Variants in INTU observed in about 807,000 individuals in gnomAD.
INTU encodes protein inturned.
In INTU, 68 loss-of-function variants were observed where a neutral mutation model predicts 100.5. That is an observed-to-expected ratio of 0.68 (90% CI 0.56 to 0.83). The LOEUF (loss-of-function observed/expected upper bound fraction) is 0.83. INTU is among the 40% of genes least tolerant of loss of function. INTU has a pLI of 0.00. For synonymous variants in INTU, 357 were observed against 395.7 expected, an observed-to-expected ratio of 0.90 and a Z score of 1.16; for missense variants, 1,071 against 1,114.7, an observed-to-expected ratio of 0.96 and a Z score of 0.56.
intron 2 of INTU, among the ~76,000 whole-genome samples, chr4:127,648,062 TG>T (rs1727669747): frequency 6.6e-6 from 1 of 152,214 alleles, no homozygotes; most frequent in Non-Finnish European, 1.5e-5. Flanking sequence ...ATATTTTATT[TG>T]GTTCTTAAAT....
intron 6 of INTU, among the ~76,000 whole-genome samples, chr4:127,675,087 GT>G (rs1189619032): frequency 6.6e-6 from 1 of 152,168 alleles, no homozygotes; most frequent in African/African-American, 2.4e-5. Context: ...TTATAATAGT[GT>G]TATGTTCCTG....
chr4:127,663,162 A>G (rs1320344369), intron 3 of INTU, among the ~76,000 whole-genome samples: 2 of 152,148 alleles, frequency 1.3e-5, no homozygotes, highest in South Asian at 2.1e-4. Context: ...TTCTTATTCA[A>G]TAAATATTTG....
intron 5 of INTU, among the ~76,000 whole-genome samples, chr4:127,672,080 C>T (rs1257724899): frequency 6.6e-6 from 1 of 151,984 alleles, no homozygotes; most frequent in Non-Finnish European, 1.5e-5. Flanking sequence ...ACACTAAAAG[C>T]CCAGACTTCA....
chr4:127,690,059 A>G (rs1296105836), intron 8 of INTU, among the ~76,000 whole-genome samples: 4 of 152,186 alleles, frequency 2.6e-5, no homozygotes, highest in East Asian at 1.9e-4. Flanking sequence ...CTGTGATAGT[A>G]GAGGTACTTA....
chr4:127,694,136 A>T (rs1249422142), intron 8 of INTU, among the ~76,000 whole-genome samples: 1 of 152,040 alleles, frequency 6.6e-6, no homozygotes, highest in Non-Finnish European at 1.5e-5. Context: ...AATAGTGTCA[A>T]TAGGTTTGGT....
chr4:127,650,493 G>A (rs1292302695), intron 2 of INTU, among the ~76,000 whole-genome samples: 2 of 151,428 alleles, frequency 1.3e-5, no homozygotes, highest in Non-Finnish European at 2.9e-5. Context: ...TTGTTCTTGC[G>A]ATAGTTTACT....
chr4:127,644,048 T>TA lies in INTU; in HGVS notation c.675dup (p.Leu226ThrfsTer4). 1 of 1,611,416 alleles carries TA rather than the reference T, an allele frequency of 6.2e-7. No individual in the cohort carries two copies. The highest frequency in any genetic ancestry group is 1.1e-5 in the South Asian group (1 of 90,896). ...GGATCTGCTATGAAGAGCGGTCAGG[T>TA]ACTCATTGGTAAGTGTTGCTGGTAC... On this transcript the variant is annotated frameshift_variant, in exon 2 of 16. Transcript: ENST00000335251. LOFTEE classifies it high-confidence loss of function.
intron 3 of INTU, among the ~76,000 whole-genome samples, chr4:127,657,955 G>A (rs1209583008): frequency 6.6e-6 from 1 of 152,076 alleles, no homozygotes; most frequent in East Asian, 1.9e-4. Context: ...ATGAAACCAG[G>A]CCCTGGTGCC....
chr4:127,685,515 G>T (rs1435094913), intron 7 of INTU: 2 of 454,286 alleles, frequency 4.4e-6, no homozygotes, highest in Non-Finnish European at 8.8e-6. Context: ...TAGAGGAACT[G>T]CTGAGGAGGC....
chr4:127,712,520 T>C (rs1731130540), intron 14 of INTU, among the ~76,000 whole-genome samples: 1 of 152,192 alleles, frequency 6.6e-6, no homozygotes, highest in Non-Finnish European at 1.5e-5. Context: ...GATACAACAG[T>C]GGACAAAACA....
rs1488064903 is a variant in INTU, at chr4:127,726,726, G to A, written c.*10290G>A. 6.6e-6 allele frequency: 1 copy of A among 152,126 alleles called. No individual in the cohort carries two copies. Among genetic ancestry groups the A allele is most frequent in the East Asian group, 1.9e-4 (1 of 5,200 alleles). 9.4% of individuals were successfully genotyped at this position (152,126 alleles called of 1,614,324 possible). ...TAGTTTTAAATAAAACTGGTTTGGAGGTTTGTTTGCAGTTGTATTGCCTTT... is the reference window on the plus strand; with the variant it reads ...TAGTTTTAAATAAAACTGGTTTGGAAGTTTGTTTGCAGTTGTATTGCCTTT... On this transcript the variant is annotated 3_prime_UTR_variant, in exon 16 of 16. Coordinates refer to ENST00000335251, the MANE Select transcript of INTU (RefSeq NM_015693.4).
At chr4:127,638,705 C>T (rs540277848) in intron 1 of INTU, among the ~76,000 whole-genome samples, 3 of 152,240 alleles carry the variant, frequency 2.0e-5, no homozygotes, top group African/African-American at 7.2e-5. Context: ...GGCTCTACTC[C>T]TGTTTACCAC....
At chr4:127,638,037 T>C (rs1727150388) in intron 1 of INTU, among the ~76,000 whole-genome samples, 1 of 152,174 alleles carries the variant, frequency 6.6e-6, no homozygotes, top group Non-Finnish European at 1.5e-5. Flanking sequence ...CCAGCATACA[T>C]GTTAATGATT....
At chr4:127,694,836 T>C (rs974393865) in intron 8 of INTU, among the ~76,000 whole-genome samples, 1 of 152,188 alleles carries the variant, frequency 6.6e-6, no homozygotes, top group African/African-American at 2.4e-5. Flanking sequence ...GTGAGTATAT[T>C]TGTGGACTCT....
At chr4:127,653,585 G>C (rs1240267592) in intron 2 of INTU, among the ~76,000 whole-genome samples, 2 of 152,170 alleles carry the variant, frequency 1.3e-5, no homozygotes, top group African/African-American at 4.8e-5. Flanking sequence ...TGGTCTGAGA[G>C]ATAGTTTGTT....
chr4:127,673,816 C>G (rs1475251424), intron 5 of INTU, among the ~76,000 whole-genome samples: 1 of 151,878 alleles, frequency 6.6e-6, no homozygotes, highest in Non-Finnish European at 1.5e-5. Flanking sequence ...AGGCTGTTCT[C>G]AAACTCCTGA....
chr4:127,706,604 G>A lies in INTU; in HGVS notation c.1906G>A (p.Asp636Asn), dbSNP rs754016347. The change falls in exon 12 of 16, where the codon GAT becomes AAT. Residue 636 changes from aspartate (D) to asparagine (N), a missense_variant. Physicochemically the swap from Asp to Asn is conservative, Grantham distance 23 (BLOSUM62 1). Coordinates refer to ENST00000335251, the MANE Select transcript of INTU (RefSeq NM_015693.4). Reference sequence around the variant, plus strand: ...AGTCAAAACAACTCTTCACCAGCTGGATGGAGTAGATTCTCGCATAGATGA... The same window carrying A: ...AGTCAAAACAACTCTTCACCAGCTGAATGGAGTAGATTCTCGCATAGATGA... ...DQVKTTLHQL[D>N]GVDSRIDERL... is the part of the protein sequence containing the mutation. The A allele has an allele frequency of 1.9e-6, 3 of 1,613,948 alleles. No homozygotes were observed. The highest frequency in any genetic ancestry group is 2.2e-5 in the East Asian group (1 of 44,894).
At chr4:127,649,986 ATATT>A (rs1298992721) in intron 2 of INTU, among the ~76,000 whole-genome samples, 2 of 152,074 alleles carry the variant, frequency 1.3e-5, no homozygotes, top group South Asian at 4.1e-4. Flanking sequence ...TTTAACACTG[ATATT>A]TATTTTATTA....
intron 8 of INTU, among the ~76,000 whole-genome samples, chr4:127,690,743 C>T (rs1020490664): frequency 7.2e-5 from 11 of 152,158 alleles, no homozygotes; most frequent in Non-Finnish European, 1.6e-4. Context: ...AGATTTCCCA[C>T]GTACCCCCTT....
Sources: allele counts gnomAD v4.1 joint callset (sites outside exome capture counted in the v4.1 genomes callset), GRCh38; gene constraint gnomAD v4.1.1; transcripts MANE v1.5; gene names NCBI Gene and HGNC (gene_info 2026-07-23, HGNC 2026-07-21).